Variants in HPS1 observed in about 807,000 individuals in gnomAD.
HPS1 encodes HPS1 biogenesis of lysosomal organelles complex 3 subunit 1, also known as BLOC-3 complex member HPS1.
In HPS1, 59 loss-of-function variants were observed where a neutral mutation model predicts 90.6. The ratio of observed to expected loss-of-function variants is 0.65; its 90% CI spans 0.53 to 0.81. The LOEUF (loss-of-function observed/expected upper bound fraction) is 0.81, where lower values mean the gene tolerates loss of function less well. HPS1 is among the 30% of genes least tolerant of loss of function. The pLI is 0.00. For synonymous variants in HPS1, 388 were observed against 384.4 expected, an observed-to-expected ratio of 1.01 and a Z score of -0.11; for missense variants, 849 against 896.7, an observed-to-expected ratio of 0.95 and a Z score of 0.68.
rs1179184661 is a variant in HPS1 at position 98,435,733 on chromosome 10, G to A, written c.157C>T (p.Pro53Ser). The A allele has an allele frequency of 6.2e-7, 1 of 1,614,220 alleles. No individual in the cohort carries two copies. The highest frequency in any genetic ancestry group is 1.7e-5 in the Admixed American group (1 of 60,032). ...ATCGTCATGGAGGAGATGATGACCGGGGCTAGGAGGGTGCTGAGCTGGTCC... is the reference window on the plus strand; with the variant it reads ...ATCGTCATGGAGGAGATGATGACCGAGGCTAGGAGGGTGCTGAGCTGGTCC... Reference protein sequence around the residue: ...LEDQLSTLLAPVIISSMTMLE... With the variant: ...LEDQLSTLLASVIISSMTMLE... Residue 53 changes from proline (P) to serine (S), a missense_variant, in exon 4 of 20, where the codon CCG becomes TCG. Physicochemically the swap from Pro to Ser is moderately conservative, Grantham distance 74 (BLOSUM62 -1). Coordinates refer to ENST00000361490, the MANE Select transcript of HPS1 (RefSeq NM_000195.5). The surrounding 1 kb of genome is among the most constrained non-coding windows in gnomAD (Gnocchi z 4.3).
At chr10:98,424,238 G>A (rs1346955534) in intron 14 of HPS1, 75 bp downstream of exon 14, 2 of 1,043,338 alleles carry the variant, frequency 1.9e-6, no homozygotes, top group East Asian at 2.4e-5. Context: ...GGGCAGTGGT[G>A]GAGGAGATGT....
downstream of HPS1, chr10:98,414,875 G>T (rs555757841): frequency 1.5e-6 from 2 of 1,333,202 alleles, no homozygotes; most frequent in Non-Finnish European, 1.0e-6. Flanking sequence ...CCCTGCTAGC[G>T]TATAAACTTC....
At chr10:98,439,237 T>C (rs1442920565) in intron 3 of HPS1, among the ~76,000 whole-genome samples, 1 of 152,150 alleles carries the variant, frequency 6.6e-6, no homozygotes, top group Non-Finnish European at 1.5e-5. Flanking sequence ...CATTGCCTAG[T>C]GGAGCTGTAA....
chr10:98,423,989 G>T, intron 14 of HPS1, 102 bp from the exon 15 acceptor site: 1 of 1,495,712 alleles, frequency 6.7e-7, no homozygotes, highest in Non-Finnish European at 9.2e-7. Flanking sequence ...ACAGACCTGG[G>T]GAGCCCTTCC....
chr10:98,421,673 CA>C (rs1345024121), intron 17 of HPS1, among the ~76,000 whole-genome samples: 2 of 152,162 alleles, frequency 1.3e-5, no homozygotes, highest in Non-Finnish European at 2.9e-5. Context: ...ATGATGATGC[CA>C]CCAGTAAGTA....
Position 98,434,091 on chromosome 10 carries a change from C to G in HPS1, c.399G>C (p.Glu133Asp). 1.3e-6 allele frequency: 2 copies of G among 1,548,990 alleles called. No homozygotes were observed. Among genetic ancestry groups the G allele is most frequent in the Non-Finnish European group, 1.7e-6 (2 of 1,146,890 alleles). ...VTVDGHLIRK[E>D]LRPPDLAQRV... is the part of the protein sequence containing the mutation. ...GCTGCGCCAGGTCTGGGGGCCGCAG[C>G]CTGGGGGCAGAGCCAGAGAGGGCGG... Residue 133 changes from glutamate (E) to aspartate (D), a missense_variant and splice_region_variant, in exon 6 of 20, where the codon GAG becomes GAC. Glu to Asp is a conservative substitution (Grantham distance 45). Coordinates refer to ENST00000361490, the MANE Select transcript of HPS1 (RefSeq NM_000195.5).
At chr10:98,442,401 T>C (rs1341403370) in intron 3 of HPS1, 1 of 152,724 alleles carries the variant, frequency 6.5e-6, no homozygotes, top group Non-Finnish European at 1.5e-5. Context: ...GATAGAATCA[T>C]AGGTATATAC....
chr10:98,414,324 A>T (rs1843897746), downstream of HPS1: 1 of 152,178 alleles, frequency 6.6e-6, no homozygotes, highest in Non-Finnish European at 1.5e-5. Context: ...GGCACTAAGG[A>T]AAGACCACCT....
At position 98,422,352 on chromosome 10, in the gene HPS1, T is replaced by C. The variant is rs773513478; in HGVS notation, c.1743+17A>G. The C allele has an allele frequency of 1.4e-5, 16 of 1,147,106 alleles. No individual in the cohort carries two copies. The highest frequency in any genetic ancestry group is 3.2e-5 in the East Asian group (1 of 31,528). The allele number at this position is 1,147,106 out of a possible 1,614,324, so 71.1% of individuals were successfully genotyped here. On this transcript the variant is annotated intron_variant, in intron 17 of 19. Coordinates refer to ENST00000361490, the MANE Select transcript of HPS1 (RefSeq NM_000195.5). The stretch of plus-strand genomic sequence containing the variant: ...GGCTGAGGCCCACCCATCCCCGCCC[T>C]GGGTCCAAATGGTTACCTTAGTTTT...
chr10:98,443,083 T>C (rs1564874583), intron 3 of HPS1, 41 bp downstream of exon 3: 2 of 1,380,502 alleles, frequency 1.4e-6, no homozygotes, highest in Non-Finnish European at 2.1e-6. Context: ...GTATGGTTCC[T>C]TCCTATCCAC....
In HPS1 at chr10:98,422,232, T is replaced by C. The variant is rs1041097874; in HGVS notation, c.1743+137A>G. On this transcript the variant is annotated intron_variant, in intron 17 of 19. Coordinates refer to ENST00000361490, the MANE Select transcript of HPS1 (RefSeq NM_000195.5). ...CAAATACTTGTCGAGCATTTATTTATGCCGGCACTGGCCACTGCCTCCTTG... is the reference window on the plus strand; with the variant it reads ...CAAATACTTGTCGAGCATTTATTTACGCCGGCACTGGCCACTGCCTCCTTG... 1.4e-5 allele frequency: 12 copies of C among 865,688 alleles called. No homozygotes were observed. The African/African-American group carries it at 2.0e-4, about 14-fold the overall frequency. 53.6% of individuals were successfully genotyped at this position (865,688 alleles called of 1,614,324 possible).
At chr10:98,414,679 G>A (rs1843924431), downstream of HPS1, 1 of 221,940 alleles carries the variant, frequency 4.5e-6, no homozygotes, top group Non-Finnish European at 8.8e-6. Flanking sequence ...GGCTGAGAAT[G>A]TGGTGGAAAC....
chr10:98,426,779 TAA>T (rs1845664548), intron 11 of HPS1, among the ~76,000 whole-genome samples: 2 of 150,648 alleles, frequency 1.3e-5, no homozygotes, highest in Non-Finnish European at 3.0e-5. Context: ...TGTGTGTGTG[TAA>T]AGTCATAGGA....
At chr10:98,418,064 T>A in intron 19 of HPS1, 111 bp downstream of exon 19, 1 of 754,274 alleles carries the variant, frequency 1.3e-6, no homozygotes, top group South Asian at 1.7e-5. Flanking sequence ...CAGCGTGGAT[T>A]TCTGGGTCTG....
chr10:98,440,568 T>G (rs1316599512), intron 3 of HPS1, among the ~76,000 whole-genome samples: 2 of 152,094 alleles, frequency 1.3e-5, no homozygotes, highest in Non-Finnish European at 2.9e-5. Context: ...TAATCCCAAT[T>G]ATATAGAAAA....
chr10:98,414,032 A>T (rs1382387037), downstream of HPS1: 1 of 151,998 alleles, frequency 6.6e-6, no homozygotes, highest in Non-Finnish European at 1.5e-5. Flanking sequence ...GCATGTGTAT[A>T]TGTGTATATA....
At chr10:98,424,257 AG>A (rs918081138) in intron 14 of HPS1, 55 bp downstream of exon 14, 9 of 1,320,786 alleles carry the variant, frequency 6.8e-6, no homozygotes, top group Admixed American at 5.1e-5. Context: ...GTGGCCTCCC[AG>A]GGAACAGTCC....
At position 98,425,870 on chromosome 10, in the gene HPS1, G is replaced by A. The variant is rs1845540292; in HGVS notation, c.1103C>T (p.Thr368Ile). ...CTGCCACAGGGGCAGGCAGTACATGGTGTGGGGCACTAGGGGGCAGTAGCT... is the reference window on the plus strand; with the variant it reads ...CTGCCACAGGGGCAGGCAGTACATGATGTGGGGCACTAGGGGGCAGTAGCT... ...KESYCPLVPH[T>I]MYCLPLWQGI... is the part of the protein sequence containing the mutation. Residue 368 changes from threonine (T) to isoleucine (I), a missense_variant, in exon 12 of 20, where the codon ACC becomes ATC. Transcript: ENST00000361490. 6.2e-7 allele frequency: 1 copy of A among 1,614,046 alleles called. No homozygotes were observed. The highest frequency in any genetic ancestry group is 8.5e-7 in the Non-Finnish European group (1 of 1,180,026).
chr10:98,443,090 C>T lies in HPS1; in HGVS notation c.117+34G>A, dbSNP rs768364243. On this transcript the variant is annotated intron_variant, in intron 3 of 19. Transcript: ENST00000361490. ...GGAGTTTTGTATGGTTCCTTCCTATCCACCCCTCCTGGGACTGCCTACCCT... is the reference window on the plus strand; with the variant it reads ...GGAGTTTTGTATGGTTCCTTCCTATTCACCCCTCCTGGGACTGCCTACCCT... The T allele has an allele frequency of 7.8e-6, 11 of 1,418,298 alleles. No homozygotes were observed. In the African/African-American group the frequency reaches 1.3e-4, roughly 16 times the overall value. 87.9% of individuals were successfully genotyped at this position (1,418,298 alleles called of 1,614,324 possible).
Sources: allele counts gnomAD v4.1 joint callset (sites outside exome capture counted in the v4.1 genomes callset), GRCh38; gene constraint gnomAD v4.1.1; non-coding constraint Gnocchi (gnomAD v3.1); transcripts MANE v1.5; gene names NCBI Gene and HGNC (gene_info 2026-07-23, HGNC 2026-07-21).